HS6ST3: variants seen among roughly 807,000 people sequenced by gnomAD.
HS6ST3 encodes heparan-sulfate 6-O-sulfotransferase 3.
HS6ST3 carries 12 observed loss-of-function variants against 36.7 expected under a neutral mutation model. The observed-to-expected ratio is 0.33, with a 90% CI of 0.21 to 0.53. The LOEUF (loss-of-function observed/expected upper bound fraction) is 0.53. Ranked by LOEUF, HS6ST3 falls within the 20% of genes least tolerant of loss-of-function variation. The pLI, the probability that HS6ST3 is intolerant of heterozygous loss-of-function variation, is 0.95. For synonymous variants in HS6ST3, 240 were observed against 257.5 expected (o/e 0.93, Z 0.65); for missense variants, 584 against 640.9 (o/e 0.91, Z 0.96).
intron 1 of HS6ST3, among the ~76,000 whole-genome samples, chr13:96,497,996 C>T (rs943959955): frequency 6.6e-6 from 1 of 152,130 alleles, no homozygotes; most frequent in Non-Finnish European, 1.5e-5. Flanking sequence ...CAATGGAATA[C>T]AGATGGTTAT....
rs188716206 is a variant in HS6ST3 at position 96,519,140 on chromosome 13, T to C, written c.708-313350T>C. Among the ~76,000 whole-genome samples the C allele has an allele frequency of 9.2e-5, 14 of 152,310 alleles. No individual in the cohort carries two copies. In the East Asian group the frequency reaches 2.7e-3, roughly 29 times the overall value. ...GTTCATTCTCTTTGCTTTCAGAAGA[T>C]GTGTTCTTAGGGACAGGGCACAGAA... On this transcript the variant is annotated intron_variant, in intron 1 of 1. Transcript: ENST00000376705.
At chr13:96,440,584 G>A (rs1256550862) in intron 1 of HS6ST3, among the ~76,000 whole-genome samples, 1 of 151,952 alleles carries the variant, frequency 6.6e-6, no homozygotes, top group Non-Finnish European at 1.5e-5. Context: ...TCTTATTCTT[G>A]AGAATTTATT....
rs1019661818 is a variant in HS6ST3, at chr13:96,317,074, G to A, written c.707+225505G>A. On this transcript the variant is annotated intron_variant, in intron 1 of 1. Transcript: ENST00000376705. ...TGGGTATACTGCACCCAGGTAGTGA[G>A]CATCATACCCAATAGGTAGTTTTTC... Among the ~76,000 whole-genome samples, 3 of 151,700 alleles carry A rather than the reference G, an allele frequency of 2.0e-5. No homozygotes were observed. In the South Asian group the frequency reaches 6.2e-4, roughly 32 times the overall value.
chr13:96,295,356 G>C (rs79568487), intron 1 of HS6ST3, among the ~76,000 whole-genome samples: 3,732 of 152,074 alleles, frequency 0.025, 146 homozygotes, highest in African/African-American at 0.086. Flanking sequence ...AGTGTTTCTT[G>C]TTGTTTTTTT....
Position 96,834,657 on chromosome 13 carries a change from G to A in HS6ST3, c.*1459G>A, listed in dbSNP as rs1382284210. ...TTGATCTGATCAATCCCTTCAAGGA[G>A]CTGAAGGCAAAATGTGTAAAACCCC... is the stretch of plus-strand genomic sequence containing the variant. On this transcript the variant is annotated 3_prime_UTR_variant, in exon 2 of 2. Coordinates refer to ENST00000376705, the MANE Select transcript of HS6ST3 (RefSeq NM_153456.4). 6.6e-6 allele frequency: 1 copy of A among 152,622 alleles called. No homozygotes were observed. Among genetic ancestry groups the A allele is most frequent in the Non-Finnish European group, 1.5e-5 (1 of 68,036 alleles). 9.5% of individuals were successfully genotyped at this position (152,622 alleles called of 1,614,324 possible). A position where few individuals can be genotyped will look rare whatever the true frequency, so the allele number is the denominator to read the frequency against.
At chr13:96,709,412 C>T (rs944214904) in intron 1 of HS6ST3, among the ~76,000 whole-genome samples, 2 of 152,150 alleles carry the variant, frequency 1.3e-5, no homozygotes, top group Non-Finnish European at 2.9e-5. Flanking sequence ...TTCATCTTTG[C>T]GTCCTGGAGG....
intron 1 of HS6ST3, among the ~76,000 whole-genome samples, chr13:96,302,514 A>G (rs1414091076): frequency 6.6e-6 from 1 of 152,088 alleles, no homozygotes; most frequent in African/African-American, 2.4e-5. Flanking sequence ...ATAATTCACA[A>G]AATTGTATGT....
intron 1 of HS6ST3, among the ~76,000 whole-genome samples, chr13:96,376,630 A>G (rs1168570766): frequency 6.6e-6 from 1 of 152,174 alleles, no homozygotes; most frequent in Non-Finnish European, 1.5e-5. Flanking sequence ...TGACTATGAT[A>G]TTATCTATGA....
At chr13:96,174,209 G>A (rs4415884) in intron 1 of HS6ST3, among the ~76,000 whole-genome samples, 144,303 of 152,210 alleles carry the variant, frequency 0.95, 68,502 homozygotes, top group African/African-American at 0.97. Flanking sequence ...ACAGCTTCCC[G>A]ATGCCAGCTC....
chr13:96,691,626 TC>T (rs1874961648), intron 1 of HS6ST3, among the ~76,000 whole-genome samples: 1 of 798 alleles, frequency 1.3e-3, no homozygotes, highest in Non-Finnish European at 3.2e-3. Flanking sequence ...TTACTTTTCT[TC>T]CCTTCCCTTC....
chr13:96,166,575 C>CTTTCTTTTTTTTTT (rs1555389089), intron 1 of HS6ST3, among the ~76,000 whole-genome samples: 1 of 131,590 alleles, frequency 7.6e-6, no homozygotes, highest in African/African-American at 2.8e-5. Flanking sequence ...TTCTTTCTTT[C>CTTTCTTTTTTTTTT]TTTTTTTTTT....
Position 96,330,221 on chromosome 13 carries a change from C to T in HS6ST3, c.707+238652C>T, listed in dbSNP as rs2055057954. Among the ~76,000 whole-genome samples, 4 of 150,606 alleles carry T rather than the reference C, an allele frequency of 2.7e-5. No individual in the cohort carries two copies. In the South Asian group the frequency reaches 8.6e-4, roughly 32 times the overall value. On this transcript the variant is annotated intron_variant, in intron 1 of 1. Transcript: ENST00000376705. ...TTGTTATGTGTGAATTTGATCCTGT[C>T]ATTATGATGTTAGCTGGTGATTTTG...
At chr13:96,101,932 C>T (rs1309723741) in intron 1 of HS6ST3, among the ~76,000 whole-genome samples, 1 of 152,128 alleles carries the variant, frequency 6.6e-6, no homozygotes, top group Non-Finnish European at 1.5e-5. Flanking sequence ...ACAAAAGGAT[C>T]ATTTTCAGGT....
At chr13:96,596,408 T>C (rs2056401575) in intron 1 of HS6ST3, among the ~76,000 whole-genome samples, 2 of 152,234 alleles carry the variant, frequency 1.3e-5, no homozygotes. Flanking sequence ...TTGTAAATTG[T>C]GCTGCAATAA....
At chr13:96,365,614 CTT>C (rs1439813475) in intron 1 of HS6ST3, among the ~76,000 whole-genome samples, 1 of 152,080 alleles carries the variant, frequency 6.6e-6, no homozygotes, top group Non-Finnish European at 1.5e-5. Flanking sequence ...TGTGAAAACT[CTT>C]GTGTCAACTG....
At chr13:96,505,485 A>G (rs2056022604) in intron 1 of HS6ST3, among the ~76,000 whole-genome samples, 1 of 152,162 alleles carries the variant, frequency 6.6e-6, no homozygotes, top group South Asian at 2.1e-4. Flanking sequence ...TGTCCAACTT[A>G]CACATGACTT....
intron 1 of HS6ST3, among the ~76,000 whole-genome samples, chr13:96,399,118 A>C (rs1266896354): frequency 6.6e-6 from 1 of 152,252 alleles, no homozygotes; most frequent in African/African-American, 2.4e-5. Context: ...ATGCAGCAAT[A>C]GATAACTAAT....
At chr13:96,636,476 C>CT (rs1458747883) in intron 1 of HS6ST3, among the ~76,000 whole-genome samples, 2 of 152,092 alleles carry the variant, frequency 1.3e-5, no homozygotes, top group Non-Finnish European at 2.9e-5. Context: ...GGCTGTAGCT[C>CT]TGACTATAGA....
At chr13:96,719,758 C>G (rs1216959161) in intron 1 of HS6ST3, among the ~76,000 whole-genome samples, 1 of 152,172 alleles carries the variant, frequency 6.6e-6, no homozygotes, top group East Asian at 1.9e-4. Context: ...TCTACCGTTA[C>G]CTGTAACTGT....
Sources: gnomAD v4.1 joint callset for allele counts (sites outside exome capture counted in the v4.1 genomes callset) on GRCh38, gnomAD v4.1.1 for gene constraint, MANE v1.5 for transcripts, NCBI Gene and HGNC (gene_info 2026-07-23, HGNC 2026-07-21) for gene names.